The following KCNMB3 variants were observed in gnomAD, a reference collection of about 807,000 sequenced individuals.
KCNMB3 encodes calcium-activated potassium channel subunit beta-3.
In KCNMB3, 18 loss-of-function variants were observed where a neutral mutation model predicts 11.9. The observed-to-expected ratio is 1.51, with a 90% confidence interval of 1.04 to 2.23. The LOEUF is 2.23. Ranked by LOEUF, KCNMB3 falls within the 30% of genes most tolerant of loss-of-function variation. KCNMB3 has a pLI of 0.00. For synonymous variants in KCNMB3, 78 were observed against 119.2 expected (o/e 0.65, Z 2.25); for missense variants, 247 against 329.4 (o/e 0.75, Z 1.94).
chr3:179,243,642 A>C (rs933337498), intron 2 of KCNMB3, among the ~76,000 whole-genome samples: 1 of 152,196 alleles, frequency 6.6e-6, no homozygotes, highest in Non-Finnish European at 1.5e-5. Flanking sequence ...CCTCACTATG[A>C]GCTTTCAACG....
In KCNMB3 at chr3:179,264,713, T is replaced by G. The variant is rs191554747; in HGVS notation, c.62+1936A>C. ...GCCTCTCCCTCCAGCACTGAAACTT[T>G]TGCAAGAAGTATTCCTTAGAAACAT... On this transcript the variant is annotated intron_variant, in intron 1 of 3. Transcript: ENST00000349697. 2.8e-3 allele frequency among the ~76,000 whole-genome samples: 428 copies of G among 152,290 alleles called. 2 individuals carry two copies. The highest frequency in any genetic ancestry group is 9.4e-3 in the African/African-American group (392 of 41,558).
chr3:179,261,081 AC>A (rs1446038340), intron 1 of KCNMB3: 8 of 1,107,258 alleles, frequency 7.2e-6, no homozygotes, highest in Non-Finnish European at 1.4e-6. Flanking sequence ...ATGTTACGAG[AC>A]CCCTTCTCAG....
intron 1 of KCNMB3, among the ~76,000 whole-genome samples, chr3:179,264,341 A>G (rs1726311246): frequency 6.6e-6 from 1 of 152,052 alleles, no homozygotes; most frequent in African/African-American, 2.4e-5. Context: ...CAGCCTTGTA[A>G]TTAACTTTGT....
chr3:179,264,762 A>G (rs1726321588), intron 1 of KCNMB3, among the ~76,000 whole-genome samples: 1 of 152,286 alleles, frequency 6.6e-6, no homozygotes, highest in Admixed American at 6.5e-5. Flanking sequence ...AAAACTTCAT[A>G]ATTCATCTGA....
Position 179,242,892 on chromosome 3 carries a change from T to A in KCNMB3, c.*12A>T. 6.4e-7 allele frequency: 1 copy of A among 1,568,122 alleles called. No individual in the cohort carries two copies. The highest frequency in any genetic ancestry group is 8.6e-7 in the Non-Finnish European group (1 of 1,158,188). On this transcript the variant is annotated 3_prime_UTR_variant, in exon 3 of 3. Transcript: ENST00000392685. ...GACATCTGAAGGCCAGCACTTTAAT[T>A]TGGCCACCGTCTTAAGATTTCTCTG...
upstream of KCNMB3, among the ~76,000 whole-genome samples, chr3:179,256,254 G>T (rs1336550550): frequency 6.6e-6 from 1 of 152,058 alleles, no homozygotes; most frequent in African/African-American, 2.4e-5. Flanking sequence ...TGCCCAACAT[G>T]GCGAAACCCC....
At chr3:179,248,466 GCCTGTAATC>G (rs1725719063) in intron 1 of KCNMB3, among the ~76,000 whole-genome samples, 1 of 152,084 alleles carries the variant, frequency 6.6e-6, no homozygotes, top group Admixed American at 6.5e-5. Context: ...GGTGGCTCAT[GCCTGTAATC>G]CCAGCACTTT....
intron 1 of KCNMB3, chr3:179,261,330 C>T (rs1417336393): frequency 5.7e-6 from 6 of 1,053,490 alleles, no homozygotes; most frequent in African/African-American, 5.5e-5. Flanking sequence ...CGTGCCGGAG[C>T]CCCCCCCCGC....
chr3:179,246,034 A>G (rs536650757), intron 1 of KCNMB3, among the ~76,000 whole-genome samples: 60 of 152,258 alleles, frequency 3.9e-4, no homozygotes, highest in Non-Finnish European at 8.8e-5. Flanking sequence ...ATACCCTCAC[A>G]CTCACATATA....
intron 1 of KCNMB3, chr3:179,259,225 C>T: frequency 6.5e-7 from 1 of 1,537,246 alleles, no homozygotes; most frequent in Non-Finnish European, 8.7e-7. Flanking sequence ...GCTTCACAGG[C>T]ATCACTAATG....
Position 179,244,605 on chromosome 3 carries a change from A to C in KCNMB3, c.337T>G (p.Cys113Gly). 6.2e-7 allele frequency: 1 copy of C among 1,614,198 alleles called. No individual in the cohort carries two copies. The highest frequency in any genetic ancestry group is 8.5e-7 in the Non-Finnish European group (1 of 1,180,024). Residue 113 changes from cysteine to glycine, a missense_variant, in exon 2 of 3, where the codon TGC becomes GGC. By Grantham distance (159) the Cys-to-Gly change is radical. Around this residue, in one of 2 missense-constraint regions of KCNMB3, gnomAD observed 160 missense variants for 157.5 expected, o/e 1.02. Transcript: ENST00000392685. Reference protein sequence around the residue: ...LDCAFTCGVHCHGQGKYPCLQ... With the variant: ...LDCAFTCGVHGHGQGKYPCLQ... ...CACGGGTACTTCCCCTGACCGTGGC[A>C]GTGCACACCACAGGTGAAGGCACAG...
upstream of KCNMB3, among the ~76,000 whole-genome samples, chr3:179,255,333 G>A (rs1725979316): frequency 6.6e-6 from 1 of 151,088 alleles, no homozygotes; most frequent in Non-Finnish European, 1.5e-5. Flanking sequence ...CATATTTAAA[G>A]AAATAAAGGA....
At chr3:179,265,380 C>T (rs1726344919) in intron 1 of KCNMB3, among the ~76,000 whole-genome samples, 1 of 152,222 alleles carries the variant, frequency 6.6e-6, no homozygotes, top group Non-Finnish European at 1.5e-5. Context: ...CAGCTCCCAA[C>T]TCCACTAGAG....
intron 1 of KCNMB3, 75 bp downstream of exon 1, chr3:179,250,668 G>A (rs1725804698): frequency 6.9e-7 from 1 of 1,454,480 alleles, no homozygotes; most frequent in Non-Finnish European, 9.5e-7. Context: ...ACCAAAGCCA[G>A]CCTCTCCTCC....
At chr3:179,262,500 G>A (rs1157781824) in intron 1 of KCNMB3, among the ~76,000 whole-genome samples, 1 of 152,228 alleles carries the variant, frequency 6.6e-6, no homozygotes, top group African/African-American at 2.4e-5. Flanking sequence ...AGAACGAGCA[G>A]TACCAAGATT....
chr3:179,259,032 C>T (rs1726114388), intron 1 of KCNMB3: 9 of 1,613,740 alleles, frequency 5.6e-6, no homozygotes, highest in Admixed American at 3.3e-5. Context: ...GGACATGGTA[C>T]GGTCTTCTTT....
At chr3:179,251,610 A>G (rs543930281), upstream of KCNMB3, 2 of 1,270,264 alleles carry the variant, frequency 1.6e-6, no homozygotes, top group East Asian at 2.9e-5. Flanking sequence ...ACATTCTCGC[A>G]GGGCAGGGTG....
chr3:179,239,926 A>C, downstream of KCNMB3: 1 of 879,862 alleles, frequency 1.1e-6, no homozygotes, highest in South Asian at 1.5e-5. Flanking sequence ...GAATAATAAC[A>C]GTATCACTAA....
intron 1 of KCNMB3, among the ~76,000 whole-genome samples, chr3:179,245,700 C>T (rs1364752115): frequency 6.6e-6 from 1 of 152,132 alleles, no homozygotes. Flanking sequence ...GGGGTTTCAC[C>T]GCATTGGCCT....
Sources: allele counts gnomAD v4.1 joint callset (sites outside exome capture counted in the v4.1 genomes callset), GRCh38; gene constraint gnomAD v4.1.1; regional missense constraint gnomAD v4.1.1; transcripts MANE v1.5; gene names NCBI Gene and HGNC (gene_info 2026-07-23, HGNC 2026-07-21).